Variants in FHIP2A observed in about 807,000 individuals in gnomAD.
FHIP2A encodes the protein family with sequence similarity 160 member B1.
Under a neutral mutation model 93.5 loss-of-function variants are expected in FHIP2A, and 46 were observed. The observed-to-expected ratio is 0.49, with a 90% CI of 0.39 to 0.63. The LOEUF (loss-of-function observed/expected upper bound fraction) is 0.63. FHIP2A is among the 20% of genes least tolerant of loss of function. The pLI is 0.00. For missense variants in FHIP2A, 769 were observed against 909.7 expected, an observed-to-expected ratio of 0.85 and a Z score of 1.99; for synonymous variants, 332 against 326.5, an observed-to-expected ratio of 1.02 and a Z score of -0.18.
intron 3 of FHIP2A, 69 bp downstream of exon 3, chr10:114,833,471 C>A: frequency 7.4e-7 from 1 of 1,358,514 alleles, no homozygotes; most frequent in Non-Finnish European, 1.0e-6. Flanking sequence ...AATAAAGAAG[C>A]TGCCAAATAC....
At chr10:114,857,341 C>T (rs1270151060) in intron 14 of FHIP2A, among the ~76,000 whole-genome samples, 1 of 75,078 alleles carries the variant, frequency 1.3e-5, no homozygotes, top group African/African-American at 4.2e-5. Flanking sequence ...GACCGAGTCT[C>T]GCTCTGTCAC....
chr10:114,879,548 T>G (rs1019549078), intron 16 of FHIP2A, among the ~76,000 whole-genome samples: 3 of 152,086 alleles, frequency 2.0e-5, no homozygotes, highest in African/African-American at 7.2e-5. Context: ...TTTTATAGAG[T>G]TCCCAAATTT....
At position 114,877,469 on chromosome 10, in the gene FHIP2A, A is replaced by G. The variant is rs538276626; in HGVS notation, c.2192+16135A>G. Among the ~76,000 whole-genome samples the G allele has an allele frequency of 5.9e-4, 90 of 152,184 alleles. 2 individuals carry two copies. The South Asian group carries it at 0.018, about 31-fold the overall frequency. On this transcript the variant is annotated intron_variant, in intron 16 of 16. Coordinates refer to the FHIP2A transcript ENST00000369250. Reference sequence around the variant, plus strand: ...ATACTGTCAGTATAATTATATAATTATAATTATATATAAGTCTCAATCCTG... The same window carrying G: ...ATACTGTCAGTATAATTATATAATTGTAATTATATATAAGTCTCAATCCTG...
At chr10:114,832,948 A>G (rs60690229) in intron 2 of FHIP2A, among the ~76,000 whole-genome samples, 3,428 of 152,206 alleles carry the variant, frequency 0.023, 125 homozygotes, top group African/African-American at 0.078. Context: ...TCCTGACCTC[A>G]GGTGATCCAC....
chr10:114,891,219 A>ATATATAT (rs1041197298), intron 16 of FHIP2A, among the ~76,000 whole-genome samples: 3 of 138,462 alleles, frequency 2.2e-5, no homozygotes, highest in South Asian at 2.4e-4. Flanking sequence ...AACAACAACA[A>ATATATAT]ATATATATAT....
chr10:114,837,711 C>T (rs2143010560), intron 5 of FHIP2A, among the ~76,000 whole-genome samples: 1 of 152,300 alleles, frequency 6.6e-6, no homozygotes, highest in Middle Eastern at 3.4e-3. Flanking sequence ...CCTTCTCCAC[C>T]CCTACGCCCT....
chr10:114,895,943 T>G (rs946485575), intron 16 of FHIP2A, among the ~76,000 whole-genome samples: 3 of 152,192 alleles, frequency 2.0e-5, no homozygotes, highest in Admixed American at 6.5e-5. Flanking sequence ...TTTATTCTCA[T>G]TACTCAGCCC....
intron 16 of FHIP2A, among the ~76,000 whole-genome samples, chr10:114,893,312 G>A (rs144592573): frequency 0.011 from 1,718 of 152,184 alleles, 20 homozygotes; most frequent in Middle Eastern, 0.054. Context: ...CTATAACCAC[G>A]GTAACAAGTA....
At chr10:114,888,861 T>C (rs1708061785) in intron 16 of FHIP2A, among the ~76,000 whole-genome samples, 1 of 152,156 alleles carries the variant, frequency 6.6e-6, no homozygotes, top group East Asian at 1.9e-4. Context: ...CCTCGGCTTC[T>C]CAAAGTGCTG....
At chr10:114,838,412 T>C (rs535975959) in intron 5 of FHIP2A, among the ~76,000 whole-genome samples, 20 of 152,330 alleles carry the variant, frequency 1.3e-4, no homozygotes, top group Admixed American at 3.3e-4. Context: ...ATGTGCGTTA[T>C]ATTTTGTATC....
chr10:114,826,643 C>T (rs977195110), intron 1 of FHIP2A, among the ~76,000 whole-genome samples: 3 of 152,022 alleles, frequency 2.0e-5, no homozygotes, highest in Non-Finnish European at 4.4e-5. Flanking sequence ...TTTAGAGAGG[C>T]AGAGAAGATG....
In FHIP2A at chr10:114,832,685, T is replaced by C. The variant is rs547289057; in HGVS notation, c.125-548T>C. The stretch of plus-strand genomic sequence containing the variant: ...TTCTGAATTACTGTGGATAGATGAA[T>C]GTTAGCTTATGGAATATATTTGAGA... On this transcript the variant is annotated intron_variant, in intron 2 of 16. Coordinates refer to ENST00000369248, the MANE Select transcript of FHIP2A (RefSeq NM_020940.4). 1.0e-3 allele frequency among the ~76,000 whole-genome samples: 157 copies of C among 151,942 alleles called. 1 individual carries two copies. The highest frequency in any genetic ancestry group is 2.9e-3 in the African/African-American group (121 of 41,442).
intron 16 of FHIP2A, among the ~76,000 whole-genome samples, chr10:114,884,494 G>T (rs934323280): frequency 2.0e-5 from 3 of 152,122 alleles, no homozygotes; most frequent in Admixed American, 1.3e-4. Context: ...TACCATTTAA[G>T]GATTTAATGA....
intron 16 of FHIP2A, among the ~76,000 whole-genome samples, chr10:114,892,506 C>T (rs998195358): frequency 3.9e-5 from 6 of 152,154 alleles, no homozygotes; most frequent in Middle Eastern, 3.4e-3. Context: ...GGCGAGGTGG[C>T]GGGCACCTGC....
chr10:114,863,555 T>C lies in FHIP2A; in HGVS notation c.*2015T>C. The C allele has an allele frequency of 8.4e-7, 1 of 1,193,674 alleles. No individual in the cohort carries two copies. Among genetic ancestry groups the C allele is most frequent in the South Asian group, 1.6e-5 (1 of 63,688 alleles). The allele number at this position is 1,193,674 out of a possible 1,614,324, so 73.9% of individuals were successfully genotyped here. On this transcript the variant is annotated 3_prime_UTR_variant, in exon 17 of 17. Coordinates refer to ENST00000369248, the MANE Select transcript of FHIP2A (RefSeq NM_020940.4). ...TGAAAATATAATTTTTCTAAGTTGT[T>C]GTAATGACTTTAATTTGTAATCAGC... is the stretch of plus-strand genomic sequence containing the variant.
intron 1 of FHIP2A, among the ~76,000 whole-genome samples, chr10:114,828,005 CT>C (rs72339114): frequency 0.017 from 2,466 of 148,248 alleles, 51 homozygotes; most frequent in African/African-American, 0.053. Flanking sequence ...CTGATTCACA[CT>C]TTTTTTTTTT....
At chr10:114,871,257 A>T (rs935660079) in intron 16 of FHIP2A, among the ~76,000 whole-genome samples, 1 of 151,962 alleles carries the variant, frequency 6.6e-6, no homozygotes, top group South Asian at 2.1e-4. Context: ...GGCTCAAGCA[A>T]TCTTCCTGCC....
chr10:114,822,068 C>A lies in FHIP2A; in HGVS notation c.-11C>A. 2 of 1,329,396 alleles carry A rather than the reference C, an allele frequency of 1.5e-6. No homozygotes were observed. The highest frequency in any genetic ancestry group is 3.7e-5 in the South Asian group (2 of 53,624). The allele number at this position is 1,329,396 out of a possible 1,614,324, so 82.4% of individuals were successfully genotyped here. A position where few individuals can be genotyped will look rare whatever the true frequency, so the allele number is the denominator to read the frequency against. The stretch of plus-strand genomic sequence containing the variant: ...TCGTCCCGGGAGAGGCTGCTGCAGT[C>A]CCGGGACAGGATGTTCTCCAAGTTC... On this transcript the variant is annotated 5_prime_UTR_variant, in exon 1 of 17. Transcript: ENST00000369248.
At chr10:114,897,319 T>G (rs996544538) in intron 16 of FHIP2A, among the ~76,000 whole-genome samples, 2 of 152,186 alleles carry the variant, frequency 1.3e-5, no homozygotes, top group African/African-American at 4.8e-5. Flanking sequence ...GACATAGCAG[T>G]AGGGTGGATG....
Sources: allele counts gnomAD v4.1 joint callset (sites outside exome capture counted in the v4.1 genomes callset), GRCh38; gene constraint gnomAD v4.1.1; transcripts MANE v1.5; gene names NCBI Gene and HGNC (gene_info 2026-07-23, HGNC 2026-07-21).